XPO6: variants seen among roughly 807,000 people sequenced by gnomAD.
XPO6 encodes the protein exportin-6.
XPO6 carries 3 observed loss-of-function variants against 130.0 expected under a neutral mutation model. The observed-to-expected ratio is 0.02, with a 90% CI of 0.01 to 0.06. XPO6 has a LOEUF of 0.06. Ranked by LOEUF, XPO6 falls within the 10% of genes least tolerant of loss-of-function variation. XPO6 has a pLI of 1.00. For missense variants in XPO6, 970 were observed against 1,393.0 expected (o/e 0.70, Z 4.83); for synonymous variants, 524 against 548.9 (o/e 0.95, Z 0.63).
intron 1 of XPO6, among the ~76,000 whole-genome samples, chr16:28,189,630 G>C (rs867859388): frequency 7.2e-5 from 11 of 151,954 alleles, no homozygotes; most frequent in South Asian, 2.1e-4. Flanking sequence ...GACAACCACA[G>C]CATGTAACAG....
At chr16:28,188,439 G>A (rs996176385) in intron 1 of XPO6, among the ~76,000 whole-genome samples, 2 of 152,090 alleles carry the variant, frequency 1.3e-5, no homozygotes, top group Non-Finnish European at 1.5e-5. Flanking sequence ...GGCATATCTA[G>A]AACAGTGTCA....
chr16:28,194,687 GT>G (rs1372647583), intron 1 of XPO6, among the ~76,000 whole-genome samples: 3 of 152,020 alleles, frequency 2.0e-5, no homozygotes, highest in African/African-American at 7.2e-5. Flanking sequence ...AGTCTAGAAA[GT>G]TTTTCGGGGG....
chr16:28,135,355 AGGAG>A, intron 9 of XPO6, 31 bp from the exon 10 acceptor site: 2 of 1,594,700 alleles, frequency 1.3e-6, no homozygotes, highest in Non-Finnish European at 1.7e-6. Flanking sequence ...CAACATTGAA[AGGAG>A]GCTTTCAGCT....
chr16:28,102,554 A>G (rs1218383014), intron 21 of XPO6, among the ~76,000 whole-genome samples: 2 of 152,168 alleles, frequency 1.3e-5, no homozygotes, highest in African/African-American at 2.4e-5. Flanking sequence ...CCTGGCCAAC[A>G]CGGTAAAACC....
intron 6 of XPO6, among the ~76,000 whole-genome samples, chr16:28,162,466 G>A (rs957549724): frequency 5.9e-5 from 9 of 152,082 alleles, no homozygotes; most frequent in Non-Finnish European, 1.3e-4. Context: ...TGTGACCCTG[G>A]CAGCGATACG....
At chr16:28,116,053 TATC>T (rs2087045593) in intron 15 of XPO6, among the ~76,000 whole-genome samples, 1 of 152,240 alleles carries the variant, frequency 6.6e-6, no homozygotes, top group Non-Finnish European at 1.5e-5. Flanking sequence ...ACCTTCCTCA[TATC>T]AACAACAAGG....
At chr16:28,182,728 C>A (rs866101891) in intron 1 of XPO6, among the ~76,000 whole-genome samples, 1 of 152,202 alleles carries the variant, frequency 6.6e-6, no homozygotes, top group Non-Finnish European at 1.5e-5. Flanking sequence ...AGACTGCAAT[C>A]TTCTAAAATG....
chr16:28,200,621 A>G (rs1261064448), intron 1 of XPO6, among the ~76,000 whole-genome samples: 3 of 152,150 alleles, frequency 2.0e-5, no homozygotes, highest in Non-Finnish European at 2.9e-5. Context: ...AGTGATCTAG[A>G]AAAAAACATG....
chr16:28,127,373 T>C (rs1419657190), intron 12 of XPO6, among the ~76,000 whole-genome samples: 1 of 152,148 alleles, frequency 6.6e-6, no homozygotes, highest in Admixed American at 6.5e-5. Context: ...GATAAACCGA[T>C]GATTTACAAG....
At chr16:28,158,483 A>AT (rs1175136400) in intron 6 of XPO6, among the ~76,000 whole-genome samples, 1 of 152,202 alleles carries the variant, frequency 6.6e-6, no homozygotes, top group Non-Finnish European at 1.5e-5. Flanking sequence ...AAATATAGTT[A>AT]TTTTTTATTA....
intron 15 of XPO6, 59 bp from the exon 16 acceptor site, chr16:28,113,109 T>C: frequency 6.4e-7 from 1 of 1,567,562 alleles, no homozygotes; most frequent in Non-Finnish European, 8.7e-7. Flanking sequence ...GGATTCGAAC[T>C]TTGCTGAGGC....
chr16:28,159,157 G>A (rs765472353), intron 6 of XPO6, among the ~76,000 whole-genome samples: 1 of 152,040 alleles, frequency 6.6e-6, no homozygotes, highest in Non-Finnish European at 1.5e-5. Context: ...TTGAGCCCGG[G>A]GAGGTCAAGG....
At chr16:28,155,386 A>T (rs957679636) in intron 7 of XPO6, among the ~76,000 whole-genome samples, 6 of 152,014 alleles carry the variant, frequency 3.9e-5, no homozygotes, top group Non-Finnish European at 8.8e-5. Flanking sequence ...AAATGACCTC[A>T]TCTGCAAGAG....
At chr16:28,103,584 C>CCT (rs1005203156) in intron 21 of XPO6, among the ~76,000 whole-genome samples, 2 of 152,224 alleles carry the variant, frequency 1.3e-5, no homozygotes, top group African/African-American at 2.4e-5. Flanking sequence ...CTCCAAAGTG[C>CCT]CTTTCACCAG....
intron 1 of XPO6, among the ~76,000 whole-genome samples, chr16:28,199,066 G>T (rs2043913142): frequency 6.6e-6 from 1 of 152,146 alleles, no homozygotes; most frequent in Non-Finnish European, 1.5e-5. Flanking sequence ...CTTGAACCCA[G>T]AAGGTGGAGG....
intron 14 of XPO6, among the ~76,000 whole-genome samples, chr16:28,119,685 G>A (rs2087176904): frequency 6.6e-6 from 1 of 151,898 alleles, no homozygotes; most frequent in South Asian, 2.1e-4. Context: ...AAACATTCCT[G>A]GGACAACTGA....
intron 10 of XPO6, 123 bp downstream of exon 10, chr16:28,135,093 A>T (rs1567612827): frequency 1.4e-6 from 1 of 714,550 alleles, no homozygotes; most frequent in Non-Finnish European, 2.3e-6. Flanking sequence ...TACGACTCAA[A>T]CCAGAAGACT....
intron 12 of XPO6, 58 bp from the exon 13 acceptor site, chr16:28,125,906 G>A (rs757556512): frequency 6.4e-6 from 10 of 1,562,734 alleles, no homozygotes; most frequent in Non-Finnish European, 8.7e-6. Context: ...AGATACTACA[G>A]ATAACAGCTG....
At chr16:28,189,610 G>GAAGC (rs990040613) in intron 1 of XPO6, among the ~76,000 whole-genome samples, 11 of 2,204 alleles carry the variant, frequency 5.0e-3, no homozygotes, top group African/African-American at 8.9e-3. Flanking sequence ...GTCTTCTACT[G>GAAGC]AAGCAAACAG....
Sources: gnomAD v4.1 joint callset for allele counts (sites outside exome capture counted in the v4.1 genomes callset) on GRCh38, gnomAD v4.1.1 for gene constraint, MANE v1.5 for transcripts, NCBI Gene and HGNC (gene_info 2026-07-23, HGNC 2026-07-21) for gene names.